ATRX: variants seen among roughly 807,000 people sequenced by gnomAD.
ATRX encodes the protein ATRX chromatin remodeler.
Under a neutral mutation model 172.6 loss-of-function variants are expected in ATRX, and 12 were observed. The ratio of observed to expected loss-of-function variants is 0.07; its 90% confidence interval spans 0.04 to 0.11. The LOEUF is 0.11. Ranked by LOEUF, ATRX falls within the 10% of genes least tolerant of loss-of-function variation. The pLI, the probability that ATRX is intolerant of heterozygous loss-of-function variation, is 1.00. For synonymous variants in ATRX, 674 were observed against 594.7 expected (o/e 1.13, Z -1.94); for missense variants, 1,368 against 1,767.4 (o/e 0.77, Z 4.05).
Position 77,682,904 on chromosome X carries a change from A to C in ATRX, c.2352T>G (p.Ser784=), listed in dbSNP as rs782333412. The C allele has an allele frequency of 2.5e-6, 3 of 1,208,885 alleles. No individual in the cohort carries two copies. Among genetic ancestry groups the C allele is most frequent in the Non-Finnish European group, 3.4e-6 (3 of 894,863 alleles). The part of the protein sequence containing the change: ...DDKGKRKRKS[S]TSGSDFDTKK... The stretch of plus-strand genomic sequence containing the variant: ...TAGTATCAAAATCTGAGCCAGATGT[A>C]GAACTTTTTCGTTTCCTTTTTCCTT... Residue 784 remains serine (S), a synonymous_variant, in exon 9 of 35, where the codon TCT becomes TCG. Coordinates refer to ENST00000373344, the MANE Select transcript of ATRX (RefSeq NM_000489.6).
intron 34 of ATRX, among the ~76,000 whole-genome samples, chrX:77,513,316 C>CAAAAAAAA (rs1217104194): frequency 3.0e-3 from 77 of 25,285 alleles, no homozygotes; most frequent in Non-Finnish European, 3.6e-3. Context: ...GACTCCGTCT[C>CAAAAAAAA]AAAAAAAAAA....
At chrX:77,554,337 C>G (rs1249237003) in intron 30 of ATRX, among the ~76,000 whole-genome samples, 1 of 111,271 alleles carries the variant, frequency 9.0e-6, no homozygotes, top group Admixed American at 9.5e-5. Flanking sequence ...CTGCCTATCC[C>G]TTTAAAAGCT....
intron 2 of ATRX, chrX:77,699,441 T>A (rs2072382060): frequency 1.8e-5 from 2 of 111,639 alleles, no homozygotes; most frequent in Admixed American, 1.9e-4. Context: ...ACTAATTTTT[T>A]AAAAAGATGA....
In ATRX at chrX:77,681,834, C is replaced by T. The variant is rs782785569; in HGVS notation, c.3422G>A (p.Ser1141Asn). 3.3e-6 allele frequency: 4 copies of T among 1,198,422 alleles called. No individual in the cohort carries two copies. The South Asian group carries it at 7.4e-5, about 22-fold the overall frequency. ...TATTTCCTTAGTATTTCTCTTTGAA[C>T]TTAAATTTCTTCTTTCCCTCAATTC... is the stretch of plus-strand genomic sequence containing the variant. ...RIELRERRNL[S>N]SKRNTKEIQS... is the part of the protein sequence containing the mutation. Residue 1141 changes from serine to asparagine, a missense_variant, in exon 9 of 35, where the codon AGT becomes AAT. Ser to Asn is a conservative substitution (Grantham distance 46, BLOSUM62 1). This residue lies in a region of ATRX where 843 missense variants were observed against 643.1 expected (regional missense o/e 1.31). Transcript: ENST00000373344.
chrX:77,721,982 G>A (rs2073795618), intron 1 of ATRX, among the ~76,000 whole-genome samples: 1 of 111,302 alleles, frequency 9.0e-6, no homozygotes, highest in South Asian at 3.8e-4. Flanking sequence ...CAGAGATATA[G>A]AACAATGGAA....
intron 1 of ATRX, among the ~76,000 whole-genome samples, chrX:77,730,284 G>T (rs1339927658): frequency 2.7e-5 from 3 of 112,018 alleles, no homozygotes; most frequent in Non-Finnish European, 5.6e-5. Context: ...TTCAGCAAGA[G>T]GATGTAACCA....
chrX:77,554,098 A>T (rs1286550749), intron 30 of ATRX, among the ~76,000 whole-genome samples: 2 of 111,334 alleles, frequency 1.8e-5, no homozygotes, highest in African/African-American at 6.5e-5. Context: ...TGAGGTCGGG[A>T]GTTTGAGACC....
chrX:77,598,110 G>C (rs1164415576), intron 25 of ATRX, among the ~76,000 whole-genome samples: 1 of 111,751 alleles, frequency 8.9e-6, no homozygotes, highest in East Asian at 2.8e-4. Context: ...CCACAATAAA[G>C]AACAAAATCA....
chrX:77,757,671 A>G (rs2075554680), intron 1 of ATRX, among the ~76,000 whole-genome samples: 1 of 109,355 alleles, frequency 9.1e-6, no homozygotes, highest in African/African-American at 3.3e-5. Flanking sequence ...GGAAAGTATT[A>G]TCTTTTTTTT....
intron 1 of ATRX, among the ~76,000 whole-genome samples, chrX:77,778,416 TAAA>T (rs782076675): frequency 8.6e-5 from 7 of 81,555 alleles, no homozygotes; most frequent in Admixed American, 1.4e-4. Flanking sequence ...CCCTGTCTCT[TAAA>T]AAAAAAAAAA....
rs782773382 is a variant in ATRX, at chrX:77,506,578, T to C, written c.*1773A>G. On this transcript the variant is annotated 3_prime_UTR_variant, in exon 35 of 35. Coordinates refer to ENST00000373344, the MANE Select transcript of ATRX (RefSeq NM_000489.6). Reference sequence around the variant, plus strand: ...CTTCAAATATTTCTCATAAATCTTGTCTTTTTCATTTTTTCTAAAGTAAAT... The same window carrying C: ...CTTCAAATATTTCTCATAAATCTTGCCTTTTTCATTTTTTCTAAAGTAAAT... 1.1e-5 allele frequency: 2 copies of C among 173,927 alleles called. No individual in the cohort carries two copies. Among genetic ancestry groups the C allele is most frequent in the African/African-American group, 5.9e-5 (2 of 33,925 alleles). The allele number at this position is 173,927 out of a possible 1,213,427, so 14.3% of individuals were successfully genotyped here. A position where few individuals can be genotyped will look rare whatever the true frequency, so the allele number is the denominator to read the frequency against.
chrX:77,577,380 CT>C (rs1370687420), intron 27 of ATRX, among the ~76,000 whole-genome samples: 1 of 111,220 alleles, frequency 9.0e-6, no homozygotes, highest in Non-Finnish European at 1.9e-5. Context: ...TGCTAGACAT[CT>C]TTTCATGTGC....
chrX:77,715,636 T>C (rs1344383343), intron 2 of ATRX, among the ~76,000 whole-genome samples: 1 of 112,196 alleles, frequency 8.9e-6, no homozygotes, highest in Non-Finnish European at 1.9e-5. Context: ...CTACTTAAGA[T>C]ATTTTTCTCT....
At chrX:77,777,813 G>A (rs1410252506) in intron 1 of ATRX, among the ~76,000 whole-genome samples, 1 of 111,153 alleles carries the variant, frequency 9.0e-6, no homozygotes, top group East Asian at 2.8e-4. Context: ...CAAAATCTGT[G>A]CATTAAATCC....
Position 77,696,683 on chromosome X carries a change from C to T in ATRX, c.264G>A (p.Lys88=), listed in dbSNP as rs782056075. Residue 88 remains lysine, a synonymous_variant, in exon 5 of 35, where the codon AAG becomes AAA. Coordinates refer to ENST00000373344, the MANE Select transcript of ATRX (RefSeq NM_000489.6). ...GTTTTTCATCATCTGATTCTACATA[C>T]TTTGTTACAATTGAAGGTTTCCTAT... The part of the protein sequence containing the change: ...RSKRKPSIVT[K]YVESDDEKPL... 3.3e-6 allele frequency: 4 copies of T among 1,198,778 alleles called. No homozygotes were observed. Among genetic ancestry groups the T allele is most frequent in the Middle Eastern group, 2.3e-4 (1 of 4,257 alleles).
At position 77,549,883 on chromosome X, in the gene ATRX, G is replaced by A. The variant is rs1255543282; in HGVS notation, c.6699+7568C>T. ...GCCTGTAATCCTAACACTTTGGGAGGCCAAGGCAGGAGGATCACATGATGC... is the reference window on the plus strand; with the variant it reads ...GCCTGTAATCCTAACACTTTGGGAGACCAAGGCAGGAGGATCACATGATGC... On this transcript the variant is annotated intron_variant, in intron 30 of 34. Transcript: ENST00000373344. 3.6e-5 allele frequency among the ~76,000 whole-genome samples: 4 copies of A among 111,996 alleles called. No homozygotes were observed. In the East Asian group the frequency reaches 8.3e-4, roughly 23 times the overall value.
chrX:77,718,368 C>CTTT (rs543544690), intron 1 of ATRX, among the ~76,000 whole-genome samples: 1 of 89,393 alleles, frequency 1.1e-5, no homozygotes, highest in African/African-American at 4.0e-5. Context: ...AGCATCAACT[C>CTTT]TTTTTTTTTT....
intron 27 of ATRX, among the ~76,000 whole-genome samples, chrX:77,576,489 G>T (rs3027543): frequency 9.0e-6 from 1 of 110,945 alleles, no homozygotes; most frequent in Admixed American, 9.6e-5. Flanking sequence ...AAGATAAAAA[G>T]TGCAAGTATA....
intron 32 of ATRX, chrX:77,521,758 T>C (rs2063239684): frequency 3.6e-6 from 1 of 276,198 alleles, no homozygotes; most frequent in Non-Finnish European, 6.4e-6. Context: ...GCACATTTTA[T>C]AATGTGTTTC....
Sources: gnomAD v4.1 joint callset for allele counts (sites outside exome capture counted in the v4.1 genomes callset) on GRCh38, gnomAD v4.1.1 for gene constraint, gnomAD v4.1.1 regional missense constraint, MANE v1.5 for transcripts, NCBI Gene and HGNC (gene_info 2026-07-23, HGNC 2026-07-21) for gene names.